The following BCCIP variants were observed in gnomAD, a reference collection of about 807,000 sequenced individuals.
The protein encoded by BCCIP is BRCA2 and CDKN1A-interacting protein.
Under a neutral mutation model 32.8 loss-of-function variants are expected in BCCIP, and 23 were observed. The observed-to-expected ratio is 0.70, with a 90% CI of 0.51 to 0.99. The LOEUF (loss-of-function observed/expected upper bound fraction) is 0.99, where lower values mean the gene tolerates loss of function less well. BCCIP is among the 50% of genes least tolerant of loss of function. The pLI is 0.00. For missense variants in BCCIP, 378 were observed against 379.8 expected (o/e 1.00, Z 0.04); for synonymous variants, 144 against 137.6 (o/e 1.05, Z -0.33).
At chr10:125,829,405 C>G (rs1413961205) in intron 3 of BCCIP, among the ~76,000 whole-genome samples, 2 of 152,184 alleles carry the variant, frequency 1.3e-5, no homozygotes, top group Non-Finnish European at 2.9e-5. Context: ...AACAAAAGCT[C>G]CATTCAGTCT....
chr10:125,824,106 C>A (rs1854281697), intron 1 of BCCIP, among the ~76,000 whole-genome samples: 1 of 152,228 alleles, frequency 6.6e-6, no homozygotes, highest in African/African-American at 2.4e-5. Flanking sequence ...GGGCGGCACT[C>A]ACTTGGGCCC....
downstream of BCCIP, among the ~76,000 whole-genome samples, chr10:125,838,570 T>C (rs1235269459): frequency 2.0e-5 from 3 of 152,198 alleles, no homozygotes; most frequent in East Asian, 5.8e-4. Context: ...CCTAAAACTT[T>C]GAGACAGTGA....
chr10:125,829,090 C>T (rs1361878760), intron 3 of BCCIP, among the ~76,000 whole-genome samples: 1 of 152,170 alleles, frequency 6.6e-6, no homozygotes, highest in African/African-American at 2.4e-5. Flanking sequence ...ATTGATCCCA[C>T]CACTCCATGA....
downstream of BCCIP, chr10:125,841,315 C>T: frequency 6.2e-7 from 1 of 1,614,052 alleles, no homozygotes; most frequent in Non-Finnish European, 8.5e-7. Flanking sequence ...GGAACCAGTT[C>T]CGATACAGCA....
exon 7 of BCCIP, chr10:125,841,676 G>A (rs1854882686): frequency 1.7e-5 from 26 of 1,558,422 alleles, no homozygotes; most frequent in South Asian, 1.0e-4. Flanking sequence ...ATTTCAAATG[G>A]ATCCGATCTA....
chr10:125,824,683 G>C (rs1408080377), intron 1 of BCCIP, among the ~76,000 whole-genome samples: 1 of 134,216 alleles, frequency 7.5e-6, no homozygotes, highest in Non-Finnish European at 1.6e-5. Flanking sequence ...CTTTTAACCG[G>C]CGTTCTTTTC....
downstream of BCCIP, among the ~76,000 whole-genome samples, chr10:125,845,882 C>T (rs889994327): frequency 2.6e-5 from 4 of 152,174 alleles, no homozygotes; most frequent in Admixed American, 6.5e-5. Context: ...ACCTCTCACA[C>T]GCCAGCTCTG....
At chr10:125,829,011 T>G (rs1232562974) in intron 3 of BCCIP, among the ~76,000 whole-genome samples, 3 of 152,150 alleles carry the variant, frequency 2.0e-5, no homozygotes, top group Non-Finnish European at 4.4e-5. Context: ...CAGGCAGAAG[T>G]GATATAGTGC....
chr10:125,824,300 C>T (rs1023350407), intron 1 of BCCIP, among the ~76,000 whole-genome samples: 5 of 152,204 alleles, frequency 3.3e-5, no homozygotes, highest in Admixed American at 1.3e-4. Context: ...GTGTTCCTTT[C>T]TTCAGACTAG....
chr10:125,824,038 G>T (rs1854275421), intron 1 of BCCIP, among the ~76,000 whole-genome samples: 1 of 152,190 alleles, frequency 6.6e-6, no homozygotes, highest in African/African-American at 2.4e-5. Context: ...GGCCACCCCG[G>T]GCTCGCAGAG....
chr10:125,841,211 A>G, downstream of BCCIP: 1 of 1,579,068 alleles, frequency 6.3e-7, no homozygotes, highest in Non-Finnish European at 8.7e-7. Flanking sequence ...TTGCTTTTCT[A>G]AGGTCAACTG....
intron 7 of BCCIP, chr10:125,853,037 T>C: frequency 4.2e-6 from 4 of 945,914 alleles, no homozygotes; most frequent in Non-Finnish European, 6.4e-6. Flanking sequence ...ATCTTGGTGG[T>C]CTCACCTTTA....
chr10:125,842,820 CTTTA>C (rs1038811272), downstream of BCCIP: 12 of 940,224 alleles, frequency 1.3e-5, no homozygotes, highest in Non-Finnish European at 1.4e-5. Context: ...CTCTCCATCT[CTTTA>C]TTTCTTTTAA....
chr10:125,827,967 GAAAAA>G lies in BCCIP; in HGVS notation c.321+350_321+354del, dbSNP rs11296499. On this transcript the variant is annotated intron_variant, in intron 3 of 6. Coordinates refer to ENST00000278100, the MANE Select transcript of BCCIP (RefSeq NM_078468.3). The stretch of plus-strand genomic sequence containing the variant: ...GGCAACACAGCAAGACCCTATATCT[GAAAAA>G]AAAAAAAAAAAAAAAAAAAAGTTCT... Among the ~76,000 whole-genome samples the G allele has an allele frequency of 7.1e-4, 44 of 62,320 alleles. 1 individual carries two copies. Among genetic ancestry groups the G allele is most frequent in the Admixed American group, 1.6e-3 (8 of 4,930 alleles). 40.9% of individuals were successfully genotyped at this position (62,320 alleles called of 152,430 possible). A position where few individuals can be genotyped will look rare whatever the true frequency, so the allele number is the denominator to read the frequency against.
intron 7 of BCCIP, chr10:125,853,085 C>A: frequency 2.8e-6 from 4 of 1,434,848 alleles, no homozygotes; most frequent in East Asian, 2.3e-5. Flanking sequence ...ACAGCTAATA[C>A]AGAAACTGCG....
At chr10:125,832,812 T>A (rs951070121) in intron 5 of BCCIP, among the ~76,000 whole-genome samples, 1 of 115,250 alleles carries the variant, frequency 8.7e-6, no homozygotes, top group Non-Finnish European at 2.0e-5. Context: ...CTTTTTTTTT[T>A]TCTTTTTTTT....
exon 8 of BCCIP, chr10:125,853,536 T>A (rs1438148071): frequency 4.6e-6 from 1 of 216,744 alleles, no homozygotes; most frequent in Non-Finnish European, 9.0e-6. Flanking sequence ...AAGTTTCTAG[T>A]AAGTTCTCTG....
At chr10:125,841,736 A>T in exon 7 of BCCIP, 4 of 1,604,716 alleles carry the variant, frequency 2.5e-6, no homozygotes, top group Non-Finnish European at 3.4e-6. Context: ...ATAGTCATTA[A>T]GGATACCTGT....
Position 125,833,755 on chromosome 10 carries a change from G to C in BCCIP, c.600-17G>C, listed in dbSNP as rs753143362. 2 of 1,612,428 alleles carry C rather than the reference G, an allele frequency of 1.2e-6. No homozygotes were observed. Among genetic ancestry groups the C allele is most frequent in the Non-Finnish European group, 1.7e-6 (2 of 1,179,428 alleles). On this transcript the variant is annotated splice_polypyrimidine_tract_variant and intron_variant, in intron 5 of 6. Coordinates refer to ENST00000278100, the MANE Select transcript of BCCIP (RefSeq NM_078468.3). ...TTGACCCAGCAGGTAAACAAATGTT[G>C]TGTGTGTGCCTTGCAGGAAAGAACT...
Sources: gnomAD v4.1 joint callset for allele counts (sites outside exome capture counted in the v4.1 genomes callset) on GRCh38, gnomAD v4.1.1 for gene constraint, MANE v1.5 for transcripts, NCBI Gene and HGNC (gene_info 2026-07-23, HGNC 2026-07-21) for gene names.